NEK1: variants seen among roughly 807,000 people sequenced by gnomAD.
NEK1 encodes the protein serine/threonine-protein kinase Nek1.
NEK1 carries 137 observed loss-of-function variants against 182.1 expected under a neutral mutation model. The observed-to-expected ratio is 0.75, with a 90% CI of 0.65 to 0.87. The LOEUF (loss-of-function observed/expected upper bound fraction) is 0.87. Among genes scored for constraint, NEK1 ranks in the 40% least tolerant of loss-of-function variants. NEK1 has a pLI of 0.00. For missense variants in NEK1, 1,391 were observed against 1,494.4 expected, an observed-to-expected ratio of 0.93 and a Z score of 1.14; for synonymous variants, 513 against 492.2, an observed-to-expected ratio of 1.04 and a Z score of -0.56.
At chr4:169,541,929 C>T (rs997314128) in intron 18 of NEK1, among the ~76,000 whole-genome samples, 5 of 152,192 alleles carry the variant, frequency 3.3e-5, no homozygotes, top group African/African-American at 1.2e-4. Flanking sequence ...ATATTTCCAC[C>T]CTGGGTCTAG....
chr4:169,473,320 G>A (rs1746360123), intron 26 of NEK1, among the ~76,000 whole-genome samples: 1 of 151,932 alleles, frequency 6.6e-6, no homozygotes. Flanking sequence ...CATGGACATG[G>A]AGGCAAATAA....
chr4:169,399,921 G>A (rs186136542), intron 35 of NEK1, among the ~76,000 whole-genome samples: 5 of 152,172 alleles, frequency 3.3e-5, no homozygotes, highest in East Asian at 3.9e-4. Context: ...CACGGCACCC[G>A]GCTAGGATTA....
At chr4:169,397,195 AC>A (rs989251207) in intron 35 of NEK1, among the ~76,000 whole-genome samples, 15 of 151,678 alleles carry the variant, frequency 9.9e-5, no homozygotes, top group African/African-American at 3.6e-4. Context: ...CTGCACTCCA[AC>A]CTGGGTGACA....
chr4:169,589,565 T>A (rs1768091518), intron 6 of NEK1, 51 bp from the exon 7 acceptor site: 1 of 1,102,350 alleles, frequency 9.1e-7, no homozygotes, highest in Non-Finnish European at 1.3e-6. Flanking sequence ...TACAGTCCAG[T>A]TCTAAGTCAA....
At chr4:169,484,582 A>G (rs1454812256) in intron 23 of NEK1, among the ~76,000 whole-genome samples, 1 of 152,236 alleles carries the variant, frequency 6.6e-6, no homozygotes, top group Non-Finnish European at 1.5e-5. Context: ...AAATAAAGAG[A>G]TAAGTACTAA....
chr4:169,599,549 C>T (rs1429417481), intron 4 of NEK1, among the ~76,000 whole-genome samples: 1 of 152,176 alleles, frequency 6.6e-6, no homozygotes, highest in African/African-American at 2.4e-5. Flanking sequence ...TGTTTTTCCA[C>T]CAATATATCA....
intron 23 of NEK1, among the ~76,000 whole-genome samples, chr4:169,496,391 T>G (rs1751288535): frequency 6.6e-6 from 1 of 151,212 alleles, no homozygotes; most frequent in Non-Finnish European, 1.5e-5. Context: ...TGAATACCCT[T>G]TATTTCCTTC....
chr4:169,599,288 G>T, intron 4 of NEK1, 91 bp from the exon 5 acceptor site: 2 of 903,578 alleles, frequency 2.2e-6, no homozygotes, highest in Admixed American at 2.6e-5. Flanking sequence ...CTAAAAAGCA[G>T]CTGCTGAACA....
At chr4:169,531,406 A>G (rs1252259878) in intron 19 of NEK1, among the ~76,000 whole-genome samples, 2 of 152,062 alleles carry the variant, frequency 1.3e-5, no homozygotes, top group African/African-American at 4.8e-5. Flanking sequence ...CAGGATGATA[A>G]CTACAGACGT....
At chr4:169,430,841 G>GA (rs547470112) in intron 29 of NEK1, among the ~76,000 whole-genome samples, 2 of 147,554 alleles carry the variant, frequency 1.4e-5, no homozygotes, top group Middle Eastern at 3.2e-3. Flanking sequence ...TCAGGAATAA[G>GA]AAAAAAAAAA....
chr4:169,496,435 A>T (rs1751300545), intron 23 of NEK1, among the ~76,000 whole-genome samples: 1 of 150,898 alleles, frequency 6.6e-6, no homozygotes, highest in Non-Finnish European at 1.5e-5. Context: ...AACTTCCAAC[A>T]CTATGTTGAA....
At position 169,540,901 on chromosome 4, in the gene NEK1, G is replaced by C. The variant is rs142789343; in HGVS notation, c.1563-2990C>G. ...TTTTTTTAGCCCTGACAAGAGAAGG[G>C]GAGGAAAAGGGAGTAAGTTATTTTC... On this transcript the variant is annotated intron_variant, in intron 18 of 35. Coordinates refer to ENST00000507142, the MANE Select transcript of NEK1 (RefSeq NM_001199397.3). Among the ~76,000 whole-genome samples the C allele has an allele frequency of 6.1e-3, 929 of 151,774 alleles. 14 individuals are homozygous for C. Among genetic ancestry groups the C allele is most frequent in the African/African-American group, 0.022 (893 of 41,448 alleles).
At chr4:169,602,221 A>T in intron 3 of NEK1, 117 bp from the exon 4 acceptor site, 1 of 723,606 alleles carries the variant, frequency 1.4e-6, no homozygotes, top group Non-Finnish European at 2.4e-6. Flanking sequence ...TCAACAAAAT[A>T]TAGCAAGAAG....
At chr4:169,422,964 T>C (rs1202194533) in intron 31 of NEK1, among the ~76,000 whole-genome samples, 1 of 152,186 alleles carries the variant, frequency 6.6e-6, no homozygotes, top group Non-Finnish European at 1.5e-5. Flanking sequence ...AAATTGGTTT[T>C]GGTAGTTCAC....
intron 31 of NEK1, among the ~76,000 whole-genome samples, chr4:169,410,652 A>T (rs1238329621): frequency 6.6e-6 from 1 of 152,234 alleles, no homozygotes; most frequent in Non-Finnish European, 1.5e-5. Context: ...AAACTTAGGA[A>T]CACTTCCCAA....
chr4:169,433,634 T>C lies in NEK1; in HGVS notation c.2796A>G (p.Gln932=), dbSNP rs1270815979. ...EPDDLETEIL[Q]EPSGTNKDES... ...CATCTTTGTTTGTTCCACTTGGCTC[T>C]TGTAGAATTTCTGTTTCCAAATCAT... Residue 932 remains glutamine, a synonymous_variant, in exon 29 of 36, where the codon CAA becomes CAG. Coordinates refer to ENST00000507142, the MANE Select transcript of NEK1 (RefSeq NM_001199397.3). 5.6e-6 allele frequency: 9 copies of C among 1,613,370 alleles called. No homozygotes were observed. Among genetic ancestry groups the C allele is most frequent in the Non-Finnish European group, 7.6e-6 (9 of 1,179,582 alleles).
chr4:169,577,194 C>A, intron 11 of NEK1, 115 bp from the exon 12 acceptor site: 1 of 996,994 alleles, frequency 1.0e-6, no homozygotes, highest in Non-Finnish European at 1.5e-6. Flanking sequence ...GTATTTTAAA[C>A]TTTCTATCAA....
At chr4:169,562,294 T>A in intron 12 of NEK1, 98 bp from the exon 13 acceptor site, 1 of 771,230 alleles carries the variant, frequency 1.3e-6, no homozygotes, top group Non-Finnish European at 2.1e-6. Flanking sequence ...AAAGGTAAAG[T>A]CAATACTTCC....
At chr4:169,413,479 A>G (rs1734006742) in intron 31 of NEK1, among the ~76,000 whole-genome samples, 1 of 152,134 alleles carries the variant, frequency 6.6e-6, no homozygotes, top group Non-Finnish European at 1.5e-5. Flanking sequence ...CAAATTCCAA[A>G]GTTTTCCAGG....
Sources: allele counts gnomAD v4.1 joint callset (sites outside exome capture counted in the v4.1 genomes callset), GRCh38; gene constraint gnomAD v4.1.1; transcripts MANE v1.5; gene names NCBI Gene and HGNC (gene_info 2026-07-23, HGNC 2026-07-21).